CEMIP: variants seen among roughly 807,000 people sequenced by gnomAD.
CEMIP encodes the protein cell migration-inducing and hyaluronan-binding protein.
CEMIP carries 105 observed loss-of-function variants against 156.9 expected under a neutral mutation model. The ratio of observed to expected loss-of-function variants is 0.67; its 90% CI spans 0.57 to 0.79. CEMIP has a LOEUF of 0.79. Ranked by LOEUF, CEMIP falls within the 30% of genes least tolerant of loss-of-function variation. The pLI, the probability that CEMIP is intolerant of heterozygous loss-of-function variation, is 0.00. For missense variants in CEMIP, 1,457 were observed against 1,769.4 expected, an observed-to-expected ratio of 0.82 and a Z score of 3.17; for synonymous variants, 676 against 668.4, an observed-to-expected ratio of 1.01 and a Z score of -0.17.
In CEMIP at chr15:80,887,712, A is replaced by G; in HGVS notation, c.816A>G (p.Leu272=). Residue 272 remains leucine (L), a synonymous_variant, in exon 8 of 30, where the codon CTA becomes CTG. Coordinates refer to ENST00000394685, the MANE Select transcript of CEMIP (RefSeq NM_001293298.2). ...TTTTCAGACACCCTTGGAGTTTTCT[A>G]ACTGTGAAAGGAAATCCATCATCTT... ...HLGFRHPWSF[L]TVKGNPSSSV... 6.2e-7 allele frequency: 1 copy of G among 1,612,916 alleles called. No individual in the cohort carries two copies. Among genetic ancestry groups the G allele is most frequent in the Non-Finnish European group, 8.5e-7 (1 of 1,179,754 alleles).
chr15:80,891,700 T>A (rs1899037774), intron 10 of CEMIP, among the ~76,000 whole-genome samples: 1 of 152,206 alleles, frequency 6.6e-6, no homozygotes, highest in Non-Finnish European at 1.5e-5. Context: ...CAAGGGTGAA[T>A]TCAAACCTCC....
Position 80,823,704 on chromosome 15 carries a change from C to T in CEMIP, c.-176+44090C>T, listed in dbSNP as rs1008462051. Among the ~76,000 whole-genome samples, 6 of 152,106 alleles carry T rather than the reference C, an allele frequency of 3.9e-5. No individual in the cohort carries two copies. The East Asian group carries it at 7.7e-4, about 20-fold the overall frequency. On this transcript the variant is annotated intron_variant, in intron 1 of 29. Coordinates refer to ENST00000394685, the MANE Select transcript of CEMIP (RefSeq NM_001293298.2). The stretch of plus-strand genomic sequence containing the variant: ...GTATGGGTAAATCTTAACAGTTTTA[C>T]TAATTTTTAAGATAGGGAGAGGTGA...
At chr15:80,837,253 A>G (rs1897289293) in intron 1 of CEMIP, among the ~76,000 whole-genome samples, 2 of 152,232 alleles carry the variant, frequency 1.3e-5, no homozygotes, top group Admixed American at 6.5e-5. Flanking sequence ...GAGTGATGTC[A>G]TACCAGATTC....
At chr15:80,892,237 C>T (rs1351171752) in intron 10 of CEMIP, among the ~76,000 whole-genome samples, 3 of 152,060 alleles carry the variant, frequency 2.0e-5, no homozygotes, top group Non-Finnish European at 4.4e-5. Context: ...GTGTCAAGGA[C>T]ATTTGCAACC....
At chr15:80,877,946 T>C (rs892551301) in intron 3 of CEMIP, among the ~76,000 whole-genome samples, 37 of 152,212 alleles carry the variant, frequency 2.4e-4, no homozygotes, top group African/African-American at 8.7e-4. Context: ...CTAGAAACTA[T>C]TCTCTTTGGT....
At chr15:80,893,651 A>G (rs1401923861) in intron 10 of CEMIP, among the ~76,000 whole-genome samples, 2 of 152,146 alleles carry the variant, frequency 1.3e-5, no homozygotes, top group Non-Finnish European at 2.9e-5. Context: ...GTCTAAAAGC[A>G]AGTTTGCAAC....
intron 14 of CEMIP, 74 bp from the exon 15 acceptor site, chr15:80,920,020 T>TG: frequency 7.5e-7 from 1 of 1,328,744 alleles, no homozygotes; most frequent in Non-Finnish European, 1.1e-6. Flanking sequence ...GACTATTTAG[T>TG]GTTTGCTGAA....
At chr15:80,891,173 A>G (rs1365576902) in intron 10 of CEMIP, among the ~76,000 whole-genome samples, 2 of 152,194 alleles carry the variant, frequency 1.3e-5, no homozygotes, top group African/African-American at 4.8e-5. Flanking sequence ...GAATGCTTAC[A>G]TGGTCTACAA....
chr15:80,788,471 C>CAAAAAAAAAAAAAA (rs11320710), intron 1 of CEMIP, among the ~76,000 whole-genome samples: 1 of 79,308 alleles, frequency 1.3e-5, no homozygotes, highest in African/African-American at 3.5e-5. Flanking sequence ...AACTCCATCT[C>CAAAAAAAAAAAAAA]AAAAAAAAAA....
At chr15:80,831,089 C>T (rs1458071928) in intron 1 of CEMIP, among the ~76,000 whole-genome samples, 1 of 152,168 alleles carries the variant, frequency 6.6e-6, no homozygotes, top group Non-Finnish European at 1.5e-5. Flanking sequence ...TTGGTCTAGC[C>T]TTCCAACCTA....
chr15:80,909,025 A>G (rs1372810111), intron 13 of CEMIP, 72 bp from the exon 14 acceptor site: 2 of 1,411,296 alleles, frequency 1.4e-6, no homozygotes, highest in African/African-American at 2.8e-5. Context: ...GCATCTTTGG[A>G]ATATGGGCAC....
At chr15:80,789,306 C>G (rs1896021394) in intron 1 of CEMIP, among the ~76,000 whole-genome samples, 1 of 152,210 alleles carries the variant, frequency 6.6e-6, no homozygotes. Flanking sequence ...AACGTGTGTC[C>G]TCTTCAGACT....
chr15:80,948,704 CG>C, intron 29 of CEMIP, 92 bp from the exon 30 acceptor site: 1 of 1,540,972 alleles, frequency 6.5e-7, no homozygotes, highest in Non-Finnish European at 8.9e-7. Context: ...ACCTGGTGGG[CG>C]TGGGGGGCTG....
rs1045797913 is a variant in CEMIP, at chr15:80,936,798, C to A, written c.3134C>A (p.Pro1045Gln). ...AGCACCCATTACCAGCAATACCAAC[C>A]GGTTGTCACCCTGCAGAAGGGCTAC... ...TRSTHYQQYQ[P>Q]VVTLQKGYTI... Residue 1045 changes from proline to glutamine, a missense_variant, in exon 24 of 30, where the codon CCG becomes CAG. By Grantham distance (76) the Pro-to-Gln change is moderately conservative (BLOSUM62 -1). Coordinates refer to ENST00000394685, the MANE Select transcript of CEMIP (RefSeq NM_001293298.2). 6.2e-7 allele frequency: 1 copy of A among 1,614,146 alleles called. No homozygotes were observed. Among genetic ancestry groups the A allele is most frequent in the Admixed American group, 1.7e-5 (1 of 60,028 alleles).
intron 1 of CEMIP, among the ~76,000 whole-genome samples, chr15:80,784,730 C>T (rs772283575): frequency 8.5e-5 from 13 of 152,128 alleles, no homozygotes; most frequent in East Asian, 1.9e-4. Context: ...CACAGGGGCA[C>T]GTGTTAAAGT....
intron 6 of CEMIP, 74 bp from the exon 7 acceptor site, chr15:80,884,101 C>A: frequency 7.0e-7 from 1 of 1,428,648 alleles, no homozygotes; most frequent in Non-Finnish European, 9.9e-7. Flanking sequence ...TGTCGCAGCA[C>A]AGGCATGTGC....
intron 1 of CEMIP, among the ~76,000 whole-genome samples, chr15:80,853,204 CT>C (rs1364506271): frequency 1.3e-5 from 2 of 152,220 alleles, no homozygotes; most frequent in Non-Finnish European, 1.5e-5. Context: ...AGAACTAAGA[CT>C]TTTGGTTGCA....
chr15:80,828,811 G>T (rs1897094368), intron 1 of CEMIP, among the ~76,000 whole-genome samples: 1 of 152,146 alleles, frequency 6.6e-6, no homozygotes, highest in Non-Finnish European at 1.5e-5. Flanking sequence ...TTTGGAACAG[G>T]TCTCCACTGG....
chr15:80,799,174 G>C (rs1182659185), intron 1 of CEMIP, among the ~76,000 whole-genome samples: 1 of 152,192 alleles, frequency 6.6e-6, no homozygotes, highest in Non-Finnish European at 1.5e-5. Context: ...ACCAGGCCTG[G>C]GTATGTCTCA....
Sources: gnomAD v4.1 joint callset for allele counts (sites outside exome capture counted in the v4.1 genomes callset) on GRCh38, gnomAD v4.1.1 for gene constraint, MANE v1.5 for transcripts, NCBI Gene and HGNC (gene_info 2026-07-23, HGNC 2026-07-21) for gene names.